FHAD1: variants seen among roughly 807,000 people sequenced by gnomAD.
FHAD1 encodes forkhead associated phosphopeptide binding domain 1.
In FHAD1, 146 loss-of-function variants were observed where a neutral mutation model predicts 191.3. The ratio of observed to expected loss-of-function variants is 0.76; its 90% CI spans 0.67 to 0.88. The LOEUF is 0.88. Among genes scored for constraint, FHAD1 ranks in the 40% least tolerant of loss-of-function variants. FHAD1 has a pLI of 0.00. For missense variants in FHAD1, 1,635 were observed against 1,785.8 expected (o/e 0.92, Z 1.52); for synonymous variants, 616 against 672.3 (o/e 0.92, Z 1.29).
intron 18 of FHAD1, among the ~76,000 whole-genome samples, chr1:15,346,604 T>A (rs1027758931): frequency 6.6e-6 from 1 of 152,256 alleles, no homozygotes; most frequent in African/African-American, 2.4e-5. Flanking sequence ...ATTGAAGATA[T>A]TCTACTTCTG....
chr1:15,343,440 G>A (rs1687603361), intron 16 of FHAD1, among the ~76,000 whole-genome samples: 1 of 150,948 alleles, frequency 6.6e-6, no homozygotes, highest in South Asian at 2.1e-4. Context: ...AAGAGTACTG[G>A]ACCTGCCCCC....
intron 21 of FHAD1, among the ~76,000 whole-genome samples, chr1:15,358,974 T>G (rs1214538891): frequency 1.3e-5 from 2 of 150,246 alleles, no homozygotes; most frequent in Non-Finnish European, 3.0e-5. Context: ...GGGAAGGGAG[T>G]CTCTGGAGAG....
chr1:15,344,209 T>C (rs1687952894), intron 16 of FHAD1, among the ~76,000 whole-genome samples: 1 of 152,220 alleles, frequency 6.6e-6, no homozygotes, highest in East Asian at 1.9e-4. Flanking sequence ...GTGCCAAGTG[T>C]CCTGACTAAA....
At chr1:15,401,711 A>G (rs760035869), downstream of FHAD1, among the ~76,000 whole-genome samples, 9 of 152,198 alleles carry the variant, frequency 5.9e-5, no homozygotes, top group Non-Finnish European at 5.9e-5. Flanking sequence ...AATGAAGGCA[A>G]TCCACTAAGG....
In FHAD1 at chr1:15,292,729, T is replaced by TA. The variant is rs568453554; in HGVS notation, c.568+3063_568+3064insA. On this transcript the variant is annotated intron_variant, in intron 4 of 33. Coordinates refer to ENST00000688493, the MANE Select transcript of FHAD1 (RefSeq NM_001391957.1). ...AGGACACAGTGAGAAGGTGGCCGTC[T>TA]GCAAGCCAAGAAGAGAGGCCTCAGG... Among the ~76,000 whole-genome samples, 380 of 152,280 alleles carry TA rather than the reference T, an allele frequency of 2.5e-3. 2 individuals carry two copies. The highest frequency in any genetic ancestry group is 8.9e-3 in the African/African-American group (371 of 41,560).
intron 19 of FHAD1, 85 bp downstream of exon 19, chr1:15,349,234 A>G (rs1558188497): frequency 1.4e-5 from 15 of 1,048,362 alleles, no homozygotes; most frequent in Non-Finnish European, 2.0e-5. Context: ...TCGGGCAGAT[A>G]TCAGAGCCAT....
Position 15,345,196 on chromosome 1 carries a change from T to TC in FHAD1, c.2238+6_2238+7insC, listed in dbSNP as rs1330557020. The stretch of plus-strand genomic sequence containing the variant: ...TCCTGGCCCAGCAGAAGAAGGTATG[T>TC]GGCTCAGGGAGACAGAGTCAGCTCG... On this transcript the variant is annotated splice_region_variant and intron_variant, in intron 17 of 33. Transcript: ENST00000688493. 6 of 1,548,968 alleles carry TC rather than the reference T, an allele frequency of 3.9e-6. No individual in the cohort carries two copies. Among genetic ancestry groups the TC allele is most frequent in the Non-Finnish European group, 5.2e-6 (6 of 1,144,590 alleles).
chr1:15,290,644 C>T (rs1259231998), intron 4 of FHAD1, among the ~76,000 whole-genome samples: 1 of 152,128 alleles, frequency 6.6e-6, no homozygotes, highest in African/African-American at 2.4e-5. Context: ...ATACCTACCA[C>T]CCACACTGAG....
intron 33 of FHAD1, among the ~76,000 whole-genome samples, chr1:15,394,899 T>G (rs1705405010): frequency 1.3e-5 from 2 of 152,166 alleles, no homozygotes; most frequent in Non-Finnish European, 2.9e-5. Flanking sequence ...CACAGTATTA[T>G]CCACAGTGTG....
intron 2 of FHAD1, among the ~76,000 whole-genome samples, chr1:15,271,043 G>A (rs955642262): frequency 7.3e-5 from 11 of 151,062 alleles, no homozygotes; most frequent in African/African-American, 2.7e-4. Context: ...GGAGGCTGAG[G>A]CAGGAGAATG....
rs1306632052 is a variant in FHAD1 at position 15,240,973 on chromosome 1, AAAAG to A, written c.-15+4229_-15+4232del. On this transcript the variant is annotated intron_variant, in intron 1 of 33. Transcript: ENST00000683790. ...CTCTATCTCAAAAAAAAAAAAAAAA[AAAAG>A]AAAGAAAGAAAGAAAGCAGATGCAG... 1.0e-3 allele frequency among the ~76,000 whole-genome samples: 81 copies of A among 77,742 alleles called. 2 individuals are homozygous for A. The highest frequency in any genetic ancestry group is 2.2e-3 in the East Asian group (5 of 2,288). 51.0% of individuals were successfully genotyped at this position (77,742 alleles called of 152,430 possible).
chr1:15,352,809 G>T, intron 19 of FHAD1, 68 bp from the exon 20 acceptor site: 1 of 1,213,422 alleles, frequency 8.2e-7, no homozygotes, highest in East Asian at 2.5e-5. Flanking sequence ...GACTCGTCCT[G>T]GTTTCCCTTT....
chr1:15,373,383 G>A (rs1045130914), intron 26 of FHAD1, among the ~76,000 whole-genome samples: 2 of 151,762 alleles, frequency 1.3e-5, no homozygotes, highest in African/African-American at 4.8e-5. Flanking sequence ...GTGGTGGCAT[G>A]CACCTGTAAT....
intron 2 of FHAD1, among the ~76,000 whole-genome samples, chr1:15,266,313 TGCCTAG>T (rs1340938962): frequency 6.6e-6 from 1 of 152,004 alleles, no homozygotes; most frequent in African/African-American, 2.4e-5. Context: ...CTCCTTATGT[TGCCTAG>T]GCTGATCTTG....
chr1:15,275,739 G>A (rs1286875661), intron 3 of FHAD1, among the ~76,000 whole-genome samples: 1 of 151,888 alleles, frequency 6.6e-6, no homozygotes, highest in Non-Finnish European at 1.5e-5. Context: ...TTGGGGTCCA[G>A]TTTTTCTAAG....
rs1703450475 is a variant in FHAD1 at position 15,389,942 on chromosome 1, A to C, written c.4270-1268A>C. 2.6e-5 allele frequency among the ~76,000 whole-genome samples: 4 copies of C among 152,206 alleles called. No individual in the cohort carries two copies. In the South Asian group the frequency reaches 8.3e-4, roughly 31 times the overall value. ...CTGGGTATCCTGTATTTTATCTGGC[A>C]ACCCACCAGCAATCCACTGAGCACC... On this transcript the variant is annotated intron_variant, in intron 32 of 33. Coordinates refer to ENST00000688493, the MANE Select transcript of FHAD1 (RefSeq NM_001391957.1).
intron 5 of FHAD1, among the ~76,000 whole-genome samples, chr1:15,297,446 C>T (rs1016900357): frequency 6.6e-6 from 1 of 152,178 alleles, no homozygotes; most frequent in Non-Finnish European, 1.5e-5. Context: ...AAGATCAGGG[C>T]CTGACCTTGC....
intron 25 of FHAD1, among the ~76,000 whole-genome samples, chr1:15,368,573 T>C (rs1002182391): frequency 1.1e-4 from 16 of 152,236 alleles, no homozygotes; most frequent in Non-Finnish European, 1.6e-4. Context: ...GGTAGCTTTG[T>C]GTGCCTCGTG....
chr1:15,257,424 A>G (rs1294561837), intron 2 of FHAD1, among the ~76,000 whole-genome samples: 2 of 152,234 alleles, frequency 1.3e-5, no homozygotes, highest in Admixed American at 6.5e-5. Context: ...GAACCTGGAT[A>G]AAGATGCTCA....
Sources: gnomAD v4.1 joint callset for allele counts (sites outside exome capture counted in the v4.1 genomes callset) on GRCh38, gnomAD v4.1.1 for gene constraint, MANE v1.5 for transcripts, NCBI Gene and HGNC (gene_info 2026-07-23, HGNC 2026-07-21) for gene names.